Variants in RUVBL2 observed in about 807,000 individuals in gnomAD.
The protein encoded by RUVBL2 is RuvB like AAA ATPase 2, also known as ruvB-like 2.
A neutral mutation model predicts 57.9 loss-of-function variants in RUVBL2; 9 were observed. That is an observed-to-expected ratio of 0.16 (90% CI 0.09 to 0.27). The LOEUF is 0.27. Ranked by LOEUF, RUVBL2 falls within the 10% of genes least tolerant of loss-of-function variation. The pLI is 1.00. For synonymous variants in RUVBL2, 278 were observed against 264.6 expected (o/e 1.05, Z -0.49); for missense variants, 456 against 669.6 (o/e 0.68, Z 3.52).
At chr19:49,009,944 T>C in intron 7 of RUVBL2, 29 bp from the exon 8 acceptor site, 1 of 1,611,136 alleles carries the variant, frequency 6.2e-7, no homozygotes, top group Non-Finnish European at 8.5e-7. Context: ...CCCATTCCTT[T>C]CCTTACCCTA....
chr19:48,995,539 C>G (rs1029808489), intron 1 of RUVBL2, among the ~76,000 whole-genome samples: 1 of 151,516 alleles, frequency 6.6e-6, no homozygotes, highest in Non-Finnish European at 1.5e-5. Context: ...CATGTCCTCT[C>G]TAGGGGAAGA....
intron 6 of RUVBL2, 66 bp from the exon 7 acceptor site, chr19:49,009,710 C>T (rs1241796133): frequency 7.3e-7 from 1 of 1,371,146 alleles, no homozygotes; most frequent in Non-Finnish European, 1.0e-6. Context: ...CTTATCAACA[C>T]TGGGGGCACT....
chr19:49,002,858 T>G (rs1189829034), intron 2 of RUVBL2, among the ~76,000 whole-genome samples: 9 of 152,162 alleles, frequency 5.9e-5, no homozygotes, highest in Non-Finnish European at 1.3e-4. Flanking sequence ...GTGCTGGGAT[T>G]ATAGGCAGGA....
chr19:48,997,377 G>A (rs902305882), intron 1 of RUVBL2, among the ~76,000 whole-genome samples: 1 of 151,992 alleles, frequency 6.6e-6, no homozygotes, highest in Non-Finnish European at 1.5e-5. Context: ...TAACCCCAAC[G>A]CTTTGGGGTG....
intron 1 of RUVBL2, among the ~76,000 whole-genome samples, chr19:48,996,545 T>C (rs148875216): frequency 0.013 from 1,830 of 144,422 alleles, 44 homozygotes; most frequent in African/African-American, 0.044. Flanking sequence ...TGTGTGTTAG[T>C]GATAGAGTCT....
chr19:48,996,315 T>G (rs2039058760), intron 1 of RUVBL2, among the ~76,000 whole-genome samples: 1 of 152,054 alleles, frequency 6.6e-6, no homozygotes, highest in Admixed American at 6.6e-5. Flanking sequence ...CATCCAGGAT[T>G]GTTTTTTTGT....
At chr19:49,002,077 C>T (rs1023617761) in intron 2 of RUVBL2, among the ~76,000 whole-genome samples, 2 of 150,838 alleles carry the variant, frequency 1.3e-5, no homozygotes, top group Admixed American at 1.3e-4. Context: ...GAGATGGAGT[C>T]TCACTGTGTT....
intron 4 of RUVBL2, among the ~76,000 whole-genome samples, chr19:49,006,416 C>T (rs1294932819): frequency 6.6e-6 from 1 of 152,246 alleles, no homozygotes; most frequent in Non-Finnish European, 1.5e-5. Flanking sequence ...GGCTGCGCAA[C>T]CGTGTTACTG....
In RUVBL2 at chr19:48,996,358, G is replaced by C. The variant is rs373079362; in HGVS notation, c.12+2435G>C. Among the ~76,000 whole-genome samples the C allele has an allele frequency of 5.9e-5, 9 of 152,144 alleles. No homozygotes were observed. In the South Asian group the frequency reaches 1.0e-3, roughly 18 times the overall value. ...TTTTTTCAAGACAGAGTCTCACTCT[G>C]TCTCCCAGGCTGGAGTGCAGTGGTG... On this transcript the variant is annotated intron_variant, in intron 1 of 14. Coordinates refer to ENST00000595090, the MANE Select transcript of RUVBL2 (RefSeq NM_006666.3).
At chr19:49,006,856 C>A (rs1390546937) in intron 4 of RUVBL2, among the ~76,000 whole-genome samples, 162 bp from the exon 5 acceptor site, 2 of 152,244 alleles carry the variant, frequency 1.3e-5, no homozygotes, top group Non-Finnish European at 2.9e-5. Flanking sequence ...CTCTCCAGTT[C>A]CCCCTCCCCA....
intron 6 of RUVBL2, among the ~76,000 whole-genome samples, chr19:49,008,967 G>A (rs150801307): frequency 0.052 from 7,735 of 148,654 alleles, 629 homozygotes; most frequent in African/African-American, 0.18. Context: ...CAACAAGAGC[G>A]AAACTCCATC....
chr19:48,993,841 T>A, upstream of RUVBL2: 2 of 1,594,962 alleles, frequency 1.3e-6, no homozygotes, highest in Non-Finnish European at 1.7e-6. Context: ...CCAGCTAGCC[T>A]AGAGGAGCCA....
At chr19:49,007,229 A>G (rs1184922586) in intron 5 of RUVBL2, 73 bp from the exon 6 acceptor site, 25 of 1,607,752 alleles carry the variant, frequency 1.6e-5, no homozygotes, top group Non-Finnish European at 2.0e-5. Flanking sequence ...CCTTTGTCCC[A>G]GAGCTCATGG....
chr19:49,010,467 T>TGGGGGGC, intron 8 of RUVBL2, 21 bp from the exon 9 acceptor site: 1 of 1,401,206 alleles, frequency 7.1e-7, no homozygotes, highest in Non-Finnish European at 9.9e-7. Flanking sequence ...CCGCCGTTCT[T>TGGGGGGC]CCCCCACCCC....
chr19:48,998,468 G>A (rs1335445899), intron 1 of RUVBL2, among the ~76,000 whole-genome samples: 1 of 151,962 alleles, frequency 6.6e-6, no homozygotes, highest in Non-Finnish European at 1.5e-5. Flanking sequence ...GCCTTGGTGG[G>A]CAGATCACTT....
At chr19:48,996,315 TG>T (rs1246231505) in intron 1 of RUVBL2, among the ~76,000 whole-genome samples, 4 of 152,172 alleles carry the variant, frequency 2.6e-5, no homozygotes, top group Non-Finnish European at 4.4e-5. Flanking sequence ...CATCCAGGAT[TG>T]TTTTTTTGTT....
rs2039411423 is a variant in RUVBL2, at chr19:49,010,916, C to T, written c.788-83C>T. On this transcript the variant is annotated intron_variant, in intron 9 of 14. Coordinates refer to ENST00000595090, the MANE Select transcript of RUVBL2 (RefSeq NM_006666.3). ...GCTCCCCTTCCTCCATCCCTGGCAT[C>T]ATCCTTCTCTGTCTTAGCCACACTC... is the stretch of plus-strand genomic sequence containing the variant. The T allele has an allele frequency of 4.8e-6, 6 of 1,237,332 alleles. No individual in the cohort carries two copies. The South Asian group carries it at 5.2e-5, about 11-fold the overall frequency. 76.6% of individuals were successfully genotyped at this position (1,237,332 alleles called of 1,614,324 possible).
intron 1 of RUVBL2, 74 bp downstream of exon 1, chr19:48,993,997 C>G: frequency 6.3e-7 from 1 of 1,577,832 alleles, no homozygotes; most frequent in Non-Finnish European, 8.7e-7. Context: ...GCTGGAGGCC[C>G]TGACTCCTGG....
At chr19:49,000,044 T>G (rs1352436498) in intron 2 of RUVBL2, among the ~76,000 whole-genome samples, 1 of 152,190 alleles carries the variant, frequency 6.6e-6, no homozygotes, top group African/African-American at 2.4e-5. Flanking sequence ...GGCTTCTGGC[T>G]GTGAAGATGG....
Sources: allele counts gnomAD v4.1 joint callset (sites outside exome capture counted in the v4.1 genomes callset), GRCh38; gene constraint gnomAD v4.1.1; transcripts MANE v1.5; gene names NCBI Gene and HGNC (gene_info 2026-07-23, HGNC 2026-07-21).